Variants in PCDH11X observed in about 807,000 individuals in gnomAD.
PCDH11X encodes the protein protocadherin-11 X-linked.
A neutral mutation model predicts 53.3 loss-of-function variants in PCDH11X; 18 were observed. The ratio of observed to expected loss-of-function variants is 0.34; its 90% CI spans 0.23 to 0.50. The LOEUF is 0.50. PCDH11X is among the 20% of genes least tolerant of loss of function. The pLI, the probability that PCDH11X is intolerant of heterozygous loss-of-function variation, is 0.98. For missense variants in PCDH11X, 570 were observed against 1,032.4 expected, an observed-to-expected ratio of 0.55 and a Z score of 6.14; for synonymous variants, 279 against 393.3, an observed-to-expected ratio of 0.71 and a Z score of 3.44.
intron 5 of PCDH11X, among the ~76,000 whole-genome samples, chrX:91,841,016 A>G: frequency 9.0e-6 from 1 of 110,665 alleles, no homozygotes; most frequent in Non-Finnish European, 1.9e-5. Context: ...TAATTTGCAT[A>G]TTAATATTTT....
intron 6 of PCDH11X, among the ~76,000 whole-genome samples, chrX:91,942,195 A>G (rs1278293898): frequency 1.8e-5 from 2 of 110,069 alleles, no homozygotes. Context: ...ATCACCCGCA[A>G]AAACAATAGC....
intron 7 of PCDH11X, among the ~76,000 whole-genome samples, chrX:92,213,147 G>A (rs146916249): frequency 0.024 from 2,701 of 111,970 alleles, 55 homozygotes; most frequent in African/African-American, 0.084. Context: ...ATACCCTGAT[G>A]TGATAACATT....
chrX:92,231,258 A>G (rs2067070669), intron 7 of PCDH11X, among the ~76,000 whole-genome samples: 1 of 111,396 alleles, frequency 9.0e-6, no homozygotes, highest in African/African-American at 3.3e-5. Flanking sequence ...GTATCAGAAG[A>G]GAATTAGAAA....
intron 10 of PCDH11X, among the ~76,000 whole-genome samples, chrX:92,491,802 A>G (rs781696009): frequency 9.0e-6 from 1 of 111,260 alleles, no homozygotes; most frequent in East Asian, 2.8e-4. Context: ...TAAGTTTTAG[A>G]TATTAAATAT....
At chrX:91,969,770 C>T (rs2061922479) in intron 6 of PCDH11X, among the ~76,000 whole-genome samples, 1 of 100,796 alleles carries the variant, frequency 9.9e-6, no homozygotes, top group Non-Finnish European at 2.0e-5. Flanking sequence ...GCACTGCAGC[C>T]TGGGTGACTG....
intron 10 of PCDH11X, among the ~76,000 whole-genome samples, chrX:92,558,774 A>G: frequency 9.0e-6 from 1 of 111,334 alleles, no homozygotes; most frequent in Non-Finnish European, 1.9e-5. Flanking sequence ...CTTAGTAATT[A>G]AATAATTATA....
At chrX:92,492,050 G>C (rs925471192) in intron 10 of PCDH11X, among the ~76,000 whole-genome samples, 1 of 111,353 alleles carries the variant, frequency 9.0e-6, no homozygotes, top group Non-Finnish European at 1.9e-5. Context: ...TGCACTAATC[G>C]GAAAACTGTA....
chrX:92,620,797 A>AT lies in PCDH11X; in HGVS notation c.*1858dup, dbSNP rs1379623626. The AT allele has an allele frequency of 3.0e-4, 33 of 108,634 alleles. No homozygotes were observed. Among genetic ancestry groups the AT allele is most frequent in the African/African-American group, 1.1e-3 (33 of 29,047 alleles). The allele number at this position is 108,634 out of a possible 1,213,427, so 9.0% of individuals were successfully genotyped here. On this transcript the variant is annotated 3_prime_UTR_variant, in exon 11 of 11. Coordinates refer to ENST00000682573, the MANE Select transcript of PCDH11X (RefSeq NM_032968.5). ...AGAGTTTGATTAATAAAATTAATTAATGTTTTTTCTCCTTCGTGTTGTTAA... is the reference window on the plus strand; with the variant it reads ...AGAGTTTGATTAATAAAATTAATTAATTGTTTTTTCTCCTTCGTGTTGTTAA...
intron 8 of PCDH11X, among the ~76,000 whole-genome samples, chrX:92,302,393 A>G (rs1220318421): frequency 9.1e-6 from 1 of 110,136 alleles, no homozygotes; most frequent in East Asian, 2.9e-4. Flanking sequence ...TTCTTGAACA[A>G]GTATATCTTC....
chrX:91,967,183 C>T (rs2061877631), intron 6 of PCDH11X, among the ~76,000 whole-genome samples: 1 of 110,356 alleles, frequency 9.1e-6, no homozygotes, highest in Admixed American at 9.7e-5. Flanking sequence ...TTCTTTTCTC[C>T]CCTTTTTTTG....
At chrX:92,248,789 G>A (rs746844573) in intron 7 of PCDH11X, among the ~76,000 whole-genome samples, 1 of 110,874 alleles carries the variant, frequency 9.0e-6, no homozygotes, top group Admixed American at 9.6e-5. Flanking sequence ...AAGCAATTCC[G>A]CCTCCTGGGT....
At chrX:92,334,331 A>G (rs1330772127) in intron 8 of PCDH11X, among the ~76,000 whole-genome samples, 2 of 111,621 alleles carry the variant, frequency 1.8e-5, no homozygotes, top group Admixed American at 1.9e-4. Flanking sequence ...TAACTGCATG[A>G]GTTTAGTGTA....
intron 10 of PCDH11X, among the ~76,000 whole-genome samples, chrX:92,575,509 G>A (rs965576874): frequency 2.8e-5 from 3 of 108,298 alleles, no homozygotes; most frequent in Non-Finnish European, 5.8e-5. Flanking sequence ...TTTTACCTTA[G>A]GCTACAATTG....
At chrX:92,482,736 A>G (rs1349461309) in intron 10 of PCDH11X, among the ~76,000 whole-genome samples, 1 of 108,276 alleles carries the variant, frequency 9.2e-6, no homozygotes. Context: ...ATATAAATCT[A>G]TGGTTATAGT....
intron 6 of PCDH11X, among the ~76,000 whole-genome samples, chrX:91,968,373 C>T (rs1007716387): frequency 1.5e-4 from 16 of 108,137 alleles, no homozygotes; most frequent in African/African-American, 1.4e-4. Context: ...AATACCACCA[C>T]ATTTGTAATT....
intron 6 of PCDH11X, among the ~76,000 whole-genome samples, chrX:92,068,407 C>A (rs1179178787): frequency 2.8e-5 from 3 of 108,492 alleles, no homozygotes; most frequent in Non-Finnish European, 5.7e-5. Flanking sequence ...TTCTTAATTT[C>A]TTTATTGACC....
chrX:92,034,405 A>G (rs1222621049), intron 6 of PCDH11X, among the ~76,000 whole-genome samples: 1 of 108,827 alleles, frequency 9.2e-6, no homozygotes, highest in Non-Finnish European at 1.9e-5. Flanking sequence ...ATTTTTTTAT[A>G]TATATTTGGG....
intron 10 of PCDH11X, among the ~76,000 whole-genome samples, chrX:92,569,644 T>A (rs947706386): frequency 9.0e-5 from 10 of 111,173 alleles, no homozygotes; most frequent in Non-Finnish European, 1.7e-4. Context: ...TATTTTTTGA[T>A]ATTTTGATTT....
chrX:92,171,475 T>C (rs184048780), intron 6 of PCDH11X, among the ~76,000 whole-genome samples: 80 of 111,507 alleles, frequency 7.2e-4, no homozygotes, highest in Admixed American at 2.0e-3. Context: ...TTTTTTTTCT[T>C]TTTTTTGAGA....
Sources: allele counts gnomAD v4.1 joint callset (sites outside exome capture counted in the v4.1 genomes callset), GRCh38; gene constraint gnomAD v4.1.1; transcripts MANE v1.5; gene names NCBI Gene and HGNC (gene_info 2026-07-23, HGNC 2026-07-21).